The following ENPEP variants were observed in gnomAD, a reference collection of about 807,000 sequenced individuals.
ENPEP encodes AP-A.
ENPEP carries 103 observed loss-of-function variants against 114.5 expected under a neutral mutation model. That is an observed-to-expected ratio of 0.90 (90% CI 0.77 to 1.06). ENPEP has a LOEUF of 1.06. Ranked by LOEUF, ENPEP falls within the 50% of genes least tolerant of loss-of-function variation. ENPEP has a pLI of 0.00. For synonymous variants in ENPEP, 420 were observed against 422.0 expected (o/e 1.00, Z 0.06); for missense variants, 1,196 against 1,161.3 (o/e 1.03, Z -0.43).
At chr4:110,561,246 A>G (rs1727666173) in intron 19 of ENPEP, among the ~76,000 whole-genome samples, 160 bp from the exon 20 acceptor site, 1 of 152,174 alleles carries the variant, frequency 6.6e-6, no homozygotes, top group African/African-American at 2.4e-5. Flanking sequence ...AATCTGAGAG[A>G]TGGGTTCAGT....
In ENPEP at chr4:110,564,994, GAGATTTT is replaced by G. The variant is rs1376308623; in HGVS notation, c.*3437_*3443del. On this transcript the variant is annotated 3_prime_UTR_variant, in exon 20 of 20. Transcript: ENST00000265162. ...TACCCCTTTGTTATTGTAAATCACTGAGATTTTGAGGTTGTCTGTTACTGCAGCATAA... is the reference window on the plus strand; with the variant it reads ...TACCCCTTTGTTATTGTAAATCACTGGAGGTTGTCTGTTACTGCAGCATAA... 1.3e-5 allele frequency: 2 copies of G among 152,134 alleles called. No homozygotes were observed. Among genetic ancestry groups the G allele is most frequent in the Non-Finnish European group, 1.5e-5 (1 of 68,030 alleles). The allele number at this position is 152,134 out of a possible 1,614,324, so 9.4% of individuals were successfully genotyped here.
intron 3 of ENPEP, 119 bp from the exon 4 acceptor site, chr4:110,506,518 A>C (rs1725373727): frequency 1.9e-6 from 2 of 1,055,894 alleles, no homozygotes; most frequent in South Asian, 2.1e-5. Context: ...ATTGGAATTC[A>C]AATTAGACAT....
At chr4:110,483,478 T>C (rs1316802684) in intron 1 of ENPEP, among the ~76,000 whole-genome samples, 1 of 152,094 alleles carries the variant, frequency 6.6e-6, no homozygotes, top group African/African-American at 2.4e-5. Flanking sequence ...GTTTTTTTTT[T>C]AGAGTCAATT....
At position 110,477,999 on chromosome 4, in the gene ENPEP, C is replaced by A. The variant is rs534074471; in HGVS notation, c.644+941C>A. On this transcript the variant is annotated intron_variant, in intron 1 of 19. Transcript: ENST00000265162. The stretch of plus-strand genomic sequence containing the variant: ...ATCAGGGAGGAAGGCTACACTACAC[C>A]TTGTGTTGTGTCTGGACTGCTTTGA... Among the ~76,000 whole-genome samples, 3 of 152,244 alleles carry A rather than the reference C, an allele frequency of 2.0e-5. No homozygotes were observed. In the South Asian group the frequency reaches 6.2e-4, roughly 32 times the overall value.
Position 110,531,253 on chromosome 4 carries a change from T to C in ENPEP, c.1783T>C (p.Leu595=), listed in dbSNP as rs755438345. The change falls in exon 11 of 20, where the codon TTA becomes CTA. Residue 595 remains leucine (L), a synonymous_variant. Transcript: ENST00000265162. ...WTEDNITSSV[L]FNRSEKEGIT... is the part of the protein sequence containing the mutation. ...TGAAGATAATATAACAAGCAGTGTG[T>C]TATTTAATAGGTCAGAAAAAGAAGG... The C allele has an allele frequency of 2.5e-5, 36 of 1,457,246 alleles. No individual in the cohort carries two copies. The East Asian group carries it at 6.5e-4, about 26-fold the overall frequency. 90.3% of individuals were successfully genotyped at this position (1,457,246 alleles called of 1,614,324 possible). A position where few individuals can be genotyped will look rare whatever the true frequency, so the allele number is the denominator to read the frequency against.
In ENPEP at chr4:110,476,928, G is replaced by C. The variant is rs144697393; in HGVS notation, c.514G>C (p.Glu172Gln). 4.1e-4 allele frequency: 656 copies of C among 1,614,154 alleles called. 3 individuals are homozygous for C. The African/African-American group carries it at 7.8e-3, about 19-fold the overall frequency. The change falls in exon 1 of 20, where the codon GAG becomes CAG. Residue 172 changes from glutamate to glutamine, a missense_variant. Physicochemically the swap from Glu to Gln is conservative, Grantham distance 29. Coordinates refer to ENST00000265162, the MANE Select transcript of ENPEP (RefSeq NM_001977.4). ...EYKKQEYVVV[E>Q]AEEELTPSSG... ...CAAAAAGCAGGAGTACGTGGTGGTC[G>C]AGGCGGAGGAAGAGCTTACCCCCAG...
intron 3 of ENPEP, among the ~76,000 whole-genome samples, chr4:110,505,687 C>T (rs970367559): frequency 6.6e-6 from 1 of 152,140 alleles, no homozygotes; most frequent in Non-Finnish European, 1.5e-5. Context: ...ATGATTACAT[C>T]TTTTGCTTTC....
chr4:110,496,704 A>T (rs67727245), intron 3 of ENPEP, among the ~76,000 whole-genome samples: 28,741 of 152,116 alleles, frequency 0.19, 3,298 homozygotes, highest in African/African-American at 0.31. Flanking sequence ...TTTCGTAGAA[A>T]GTTTCTCAGT....
chr4:110,516,003 G>A (rs1331582016), intron 8 of ENPEP: 2 of 284,254 alleles, frequency 7.0e-6, no homozygotes, highest in Non-Finnish European at 1.4e-5. Context: ...CAAAGGCTTC[G>A]TTTCTAAATA....
chr4:110,516,794 T>C (rs1391149131), intron 8 of ENPEP, among the ~76,000 whole-genome samples: 1 of 152,174 alleles, frequency 6.6e-6, no homozygotes. Flanking sequence ...ATTTTAACCC[T>C]TTGTCTATTA....
At chr4:110,518,670 AG>A (rs1725870771) in intron 8 of ENPEP, among the ~76,000 whole-genome samples, 1 of 152,228 alleles carries the variant, frequency 6.6e-6, no homozygotes, top group Non-Finnish European at 1.5e-5. Context: ...ACACTGATCC[AG>A]GGTTCAGAAT....
chr4:110,540,764 A>C (rs187849958), intron 11 of ENPEP, among the ~76,000 whole-genome samples: 42 of 152,318 alleles, frequency 2.8e-4, no homozygotes, highest in Admixed American at 2.5e-3. Context: ...CTGGCAGCAT[A>C]TCCCCTTTCA....
At chr4:110,559,763 AG>A in intron 19 of ENPEP, 38 bp downstream of exon 19, 1 of 1,542,290 alleles carries the variant, frequency 6.5e-7, no homozygotes, top group Non-Finnish European at 8.9e-7. Context: ...TCCAAGAAGG[AG>A]CAGAATGAAA....
chr4:110,549,240 A>C (rs1317356288), intron 14 of ENPEP, 106 bp from the exon 15 acceptor site: 1 of 906,762 alleles, frequency 1.1e-6, no homozygotes, highest in Non-Finnish European at 1.7e-6. Context: ...AAGTTCTCTG[A>C]ATTAGTAGGA....
Position 110,535,279 on chromosome 4 carries a change from C to T in ENPEP, c.1807+4002C>T, listed in dbSNP as rs556676194. Among the ~76,000 whole-genome samples the T allele has an allele frequency of 1.4e-4, 21 of 152,264 alleles. No individual in the cohort carries two copies. In the East Asian group the frequency reaches 3.7e-3, roughly 27 times the overall value. On this transcript the variant is annotated intron_variant, in intron 11 of 19. Coordinates refer to ENST00000265162, the MANE Select transcript of ENPEP (RefSeq NM_001977.4). ...TTACTTCCAGATTTGAGGGTGTCCT[C>T]TGGATGGTTTGGACTATCCAGACTG... is the stretch of plus-strand genomic sequence containing the variant.
intron 3 of ENPEP, among the ~76,000 whole-genome samples, chr4:110,501,366 C>A (rs777858602): frequency 1.3e-5 from 2 of 152,008 alleles, no homozygotes; most frequent in Non-Finnish European, 2.9e-5. Flanking sequence ...GTTTGGTGTA[C>A]AGATTGTTTC....
intron 11 of ENPEP, among the ~76,000 whole-genome samples, chr4:110,538,773 A>T (rs775196914): frequency 4.6e-5 from 7 of 152,300 alleles, no homozygotes; most frequent in Middle Eastern, 3.4e-3. Flanking sequence ...TCTTACTTTC[A>T]TCTGAACACT....
chr4:110,551,053 A>G (rs1308229721), intron 17 of ENPEP, among the ~76,000 whole-genome samples: 14 of 151,740 alleles, frequency 9.2e-5, no homozygotes, highest in Admixed American at 9.2e-4. Context: ...CAGGAGTTCA[A>G]GACCAACCTG....
chr4:110,522,937 G>T lies in ENPEP; in HGVS notation c.1727+2571G>T, dbSNP rs143949172. ...AGAGAAAGAAAAGAAGGGAGGATAT[G>T]AATAAATAAAAAAAAAGTGAAATAC... On this transcript the variant is annotated intron_variant, in intron 10 of 19. Transcript: ENST00000265162. Among the ~76,000 whole-genome samples, 38 of 151,986 alleles carry T rather than the reference G, an allele frequency of 2.5e-4. No individual in the cohort carries two copies. In the East Asian group the frequency reaches 7.1e-3, roughly 29 times the overall value.
Sources: gnomAD v4.1 joint callset for allele counts (sites outside exome capture counted in the v4.1 genomes callset) on GRCh38, gnomAD v4.1.1 for gene constraint, MANE v1.5 for transcripts, NCBI Gene and HGNC (gene_info 2026-07-23, HGNC 2026-07-21) for gene names.